The following HEATR3 variants were observed in gnomAD, a reference collection of about 807,000 sequenced individuals.
HEATR3 encodes the protein HEAT repeat-containing protein 3.
A neutral mutation model predicts 72.8 loss-of-function variants in HEATR3; 56 were observed. The observed-to-expected ratio is 0.77, with a 90% confidence interval of 0.62 to 0.96. The LOEUF (loss-of-function observed/expected upper bound fraction) is 0.96. HEATR3 is among the 40% of genes least tolerant of loss of function. The probability of loss-of-function intolerance (pLI) is 0.00; values close to 1 mark genes in which losing one functional copy is unlikely to be tolerated. For missense variants in HEATR3, 747 were observed against 831.4 expected (o/e 0.90, Z 1.25); for synonymous variants, 331 against 318.1 (o/e 1.04, Z -0.43).
At chr16:50,088,271 T>A (rs1185949457) in intron 11 of HEATR3, among the ~76,000 whole-genome samples, 1 of 152,212 alleles carries the variant, frequency 6.6e-6, no homozygotes, top group Non-Finnish European at 1.5e-5. Flanking sequence ...ATGGTACATG[T>A]TTTTTAAGTT....
At chr16:50,084,869 T>A (rs1451201403) in intron 10 of HEATR3, among the ~76,000 whole-genome samples, 2 of 152,150 alleles carry the variant, frequency 1.3e-5, no homozygotes, top group Non-Finnish European at 2.9e-5. Context: ...AACAAACGTG[T>A]TGTCCATCAG....
At position 50,097,787 on chromosome 16, in the gene HEATR3, C is replaced by A. The variant is rs147235221; in HGVS notation, c.1600-2443C>A. ...AAAATTAGCTGGGTGTGGTGGCACG[C>A]GCCTGTAATCCCAGCTACTTGGGAG... On this transcript the variant is annotated intron_variant, in intron 12 of 14. Coordinates refer to ENST00000299192, the MANE Select transcript of HEATR3 (RefSeq NM_182922.4). Among the ~76,000 whole-genome samples the A allele has an allele frequency of 7.9e-3, 1,194 of 152,020 alleles. 9 individuals are homozygous for A. Among genetic ancestry groups the A allele is most frequent in the Non-Finnish European group, 0.013 (878 of 67,960 alleles).
At chr16:50,082,932 A>C (rs1023605073) in intron 7 of HEATR3, among the ~76,000 whole-genome samples, 3 of 152,090 alleles carry the variant, frequency 2.0e-5, no homozygotes, top group African/African-American at 7.2e-5. Context: ...CTGGGATTAC[A>C]GGCATGCACC....
chr16:50,078,851 G>GT lies in HEATR3; in HGVS notation c.876dup (p.Ile293TyrfsTer7), dbSNP rs1253384923. The stretch of plus-strand genomic sequence containing the variant: ...TTTGGGAATGGATGCTGGTGAAATG[G>GT]TTATTCAAATGAAAGAGGCTGAAAC... On this transcript the variant is annotated frameshift_variant, in exon 7 of 15. Coordinates refer to ENST00000299192, the MANE Select transcript of HEATR3 (RefSeq NM_182922.4). LOFTEE classifies it high-confidence loss of function. The GT allele has an allele frequency of 6.2e-7, 1 of 1,613,992 alleles. No homozygotes were observed. The highest frequency in any genetic ancestry group is 8.5e-7 in the Non-Finnish European group (1 of 1,180,022).
rs946543829 is a variant in HEATR3, at chr16:50,084,364, A to G, written c.1290+73A>G. On this transcript the variant is annotated intron_variant, in intron 9 of 14. Coordinates refer to ENST00000299192, the MANE Select transcript of HEATR3 (RefSeq NM_182922.4). ...AAGCAAGGTATTCATTTTGTGTACAAAAGAAGCAAGCTCACACTTCCAGGT... is the reference window on the plus strand; with the variant it reads ...AAGCAAGGTATTCATTTTGTGTACAGAAGAAGCAAGCTCACACTTCCAGGT... 8.5e-6 allele frequency: 13 copies of G among 1,522,502 alleles called. No homozygotes were observed. The African/African-American group carries it at 1.5e-4, about 18-fold the overall frequency. The allele number at this position is 1,522,502 out of a possible 1,614,324, so 94.3% of individuals were successfully genotyped here.
intron 13 of HEATR3, among the ~76,000 whole-genome samples, chr16:50,101,635 C>T (rs2037368060): frequency 6.6e-6 from 1 of 152,168 alleles, no homozygotes; most frequent in Non-Finnish European, 1.5e-5. Context: ...GTGTCCAAAA[C>T]CTTCTGGATT....
At chr16:50,102,702 C>G (rs2037395719) in intron 14 of HEATR3, among the ~76,000 whole-genome samples, 1 of 152,124 alleles carries the variant, frequency 6.6e-6, no homozygotes, top group African/African-American at 2.4e-5. Context: ...TCATATATGT[C>G]AGTATTATAC....
chr16:50,097,586 A>G (rs2037271201), intron 12 of HEATR3, among the ~76,000 whole-genome samples: 1 of 151,968 alleles, frequency 6.6e-6, no homozygotes, highest in South Asian at 2.1e-4. Flanking sequence ...CAGGCATAGG[A>G]TGTCCCAGGT....
intron 2 of HEATR3, among the ~76,000 whole-genome samples, chr16:50,068,231 A>G (rs775002095): frequency 1.3e-5 from 2 of 152,178 alleles, no homozygotes; most frequent in Non-Finnish European, 2.9e-5. Flanking sequence ...CTTTCCAATT[A>G]AAATTTACCC....
Position 50,102,382 on chromosome 16 carries a change from C to A in HEATR3, c.1867C>A (p.Gln623Lys), listed in dbSNP as rs1567450274. The A allele has an allele frequency of 6.2e-7, 1 of 1,614,070 alleles. No homozygotes were observed. The highest frequency in any genetic ancestry group is 1.3e-5 in the African/African-American group (1 of 75,026). Residue 623 changes from glutamine (Q) to lysine (K), a missense_variant, in exon 14 of 15, where the codon CAA becomes AAA. By Grantham distance (53) the Gln-to-Lys change is moderately conservative. Around this residue, in one of 2 missense-constraint regions of HEATR3, gnomAD observed 586 missense variants for 708.8 expected, o/e 0.83. Coordinates refer to ENST00000299192, the MANE Select transcript of HEATR3 (RefSeq NM_182922.4). ...TAAAGAAGCCGAAAGAGCCTCGATT[C>A]AAATTAAATTATTATCTGCTCTGAA... ...DGKEAERASI[Q>K]IKLLSALKEF...
At chr16:50,096,985 C>T (rs1000825260) in intron 12 of HEATR3, among the ~76,000 whole-genome samples, 4 of 152,168 alleles carry the variant, frequency 2.6e-5, no homozygotes, top group Non-Finnish European at 4.4e-5. Flanking sequence ...ATGATGGCAT[C>T]GTTCAGCATT....
At position 50,105,018 on chromosome 16, in the gene HEATR3, T is replaced by G. The variant is rs2037451871; in HGVS notation, c.2000T>G (p.Phe667Cys). The G allele has an allele frequency of 6.2e-7, 1 of 1,613,306 alleles. No individual in the cohort carries two copies. ...LDNVKMNLRR[F>C]IAYQETVEKR... The stretch of plus-strand genomic sequence containing the variant: ...AATGTGAAAATGAATTTGCGAAGAT[T>G]TATTGCTTATCAAGAAACTGTTGAG... Residue 667 changes from phenylalanine to cysteine, a missense_variant, in exon 15 of 15, where the codon TTT becomes TGT. Around this residue, in one of 2 missense-constraint regions of HEATR3, gnomAD observed 586 missense variants for 708.8 expected, o/e 0.83. Transcript: ENST00000299192.
At chr16:50,093,851 A>T (rs1331718431) in intron 11 of HEATR3, among the ~76,000 whole-genome samples, 1 of 152,148 alleles carries the variant, frequency 6.6e-6, no homozygotes, top group Non-Finnish European at 1.5e-5. Flanking sequence ...TCAGGGCTGG[A>T]AGTCATACTG....
intron 11 of HEATR3, among the ~76,000 whole-genome samples, chr16:50,093,826 GCATGCACA>G (rs1469374558): frequency 2.6e-5 from 4 of 152,182 alleles, no homozygotes; most frequent in Non-Finnish European, 5.9e-5. Flanking sequence ...AGAAAAAAGA[GCATGCACA>G]CATGCGTCAG....
intron 10 of HEATR3, 74 bp from the exon 11 acceptor site, chr16:50,086,141 G>A (rs2036981117): frequency 2.2e-6 from 3 of 1,382,278 alleles, no homozygotes; most frequent in South Asian, 1.4e-5. Flanking sequence ...GTGAAGCTTA[G>A]GCTAAAAGTT....
chr16:50,066,458 G>T lies in HEATR3; in HGVS notation c.230G>T (p.Arg77Leu). 1.5e-6 allele frequency: 2 copies of T among 1,371,380 alleles called. No individual in the cohort carries two copies. Among genetic ancestry groups the T allele is most frequent in the Non-Finnish European group, 1.9e-6 (2 of 1,070,054 alleles). 85.0% of individuals were successfully genotyped at this position (1,371,380 alleles called of 1,614,324 possible). A position where few individuals can be genotyped will look rare whatever the true frequency, so the allele number is the denominator to read the frequency against. The change falls in exon 2 of 15, where the codon CGA becomes CTA. Residue 77 changes from arginine (R) to leucine (L), a missense_variant. By Grantham distance (102) the Arg-to-Leu change is moderately radical (BLOSUM62 -2). Transcript: ENST00000299192. ...QQRPALPGLA[R>L]RDAVRRLGPL... is the part of the protein sequence containing the mutation. The stretch of plus-strand genomic sequence containing the variant: ...CGGCCGGCACTCCCGGGCCTGGCGC[G>T]ACGAGACGCCGTGCGCCGCCTCGGG...
At position 50,106,558 on chromosome 16, in the gene HEATR3, G is replaced by A. The variant is rs533947834; in HGVS notation, c.*1497G>A. 2 of 152,184 alleles carry A rather than the reference G, an allele frequency of 1.3e-5. No homozygotes were observed. Among genetic ancestry groups the A allele is most frequent in the Non-Finnish European group, 2.9e-5 (2 of 68,010 alleles). The allele number at this position is 152,184 out of a possible 1,614,324, so 9.4% of individuals were successfully genotyped here. ...TGCAGCATTACCTCTCAGTGTCTTC[G>A]AAGTACTAGGTGACAGCTGGGGCTC... On this transcript the variant is annotated 3_prime_UTR_variant, in exon 15 of 15. Transcript: ENST00000299192.
rs762430429 is a variant in HEATR3 at position 50,070,192 on chromosome 16, G to T, written c.414G>T (p.Leu138=). ...TTTGGTTACAGTGTAGTGCTGGACT[G>T]GATTCAAATGAGATGTCTCTGCAGG... is the stretch of plus-strand genomic sequence containing the variant. ...VALLKECSAG[L]DSNEMSLQEK... Residue 138 remains leucine, a synonymous_variant, in exon 4 of 15, where the codon CTG becomes CTT. Coordinates refer to ENST00000299192, the MANE Select transcript of HEATR3 (RefSeq NM_182922.4). 1.8e-5 allele frequency: 29 copies of T among 1,592,116 alleles called. No homozygotes were observed. In the Admixed American group the frequency reaches 4.9e-4, roughly 27 times the overall value.
At chr16:50,096,688 A>G (rs1477166527) in intron 12 of HEATR3, among the ~76,000 whole-genome samples, 1 of 152,194 alleles carries the variant, frequency 6.6e-6, no homozygotes, top group Non-Finnish European at 1.5e-5. Flanking sequence ...AATCCCAGCT[A>G]CTTGGAAGGC....
Sources: allele counts gnomAD v4.1 joint callset (sites outside exome capture counted in the v4.1 genomes callset), GRCh38; gene constraint gnomAD v4.1.1; regional missense constraint gnomAD v4.1.1; transcripts MANE v1.5; gene names NCBI Gene and HGNC (gene_info 2026-07-23, HGNC 2026-07-21).